The following SLC35B3 variants were observed in gnomAD, a reference collection of about 807,000 sequenced individuals.
SLC35B3 encodes the protein adenosine 3'-phospho 5'-phosphosulfate transporter 2.
Under a neutral mutation model 44.1 loss-of-function variants are expected in SLC35B3, and 35 were observed. The ratio of observed to expected loss-of-function variants is 0.79; its 90% CI spans 0.61 to 1.05. The LOEUF is 1.05. Ranked by LOEUF, SLC35B3 falls within the 50% of genes least tolerant of loss-of-function variation. The pLI is 0.00. For missense variants in SLC35B3, 414 were observed against 476.4 expected (o/e 0.87, Z 1.22); for synonymous variants, 146 against 167.3 (o/e 0.87, Z 0.98).
intron 3 of SLC35B3, 100 bp downstream of exon 2, chr6:8,429,764 G>A (rs535802801): frequency 2.5e-6 from 2 of 798,428 alleles, no homozygotes; most frequent in Admixed American, 6.4e-5. Context: ...GAATCAGCCA[G>A]TATCCCCTAA....
rs1487202638 is a variant in SLC35B3, at chr6:8,435,302, C to T, written c.-44+41G>A. 1 of 1,289,354 alleles carries T rather than the reference C, an allele frequency of 7.8e-7. No homozygotes were observed. The highest frequency in any genetic ancestry group is 2.3e-5 in the Admixed American group (1 of 43,568). 79.9% of individuals were successfully genotyped at this position (1,289,354 alleles called of 1,614,324 possible). ...CAAGGTTTTCTGGAGGAGAGGAGATCTGGGTCCCAAACACAGGAAAGGCCC... is the reference window on the plus strand; with the variant it reads ...CAAGGTTTTCTGGAGGAGAGGAGATTTGGGTCCCAAACACAGGAAAGGCCC... On this transcript the variant is annotated intron_variant, in intron 1 of 10. Transcript: ENST00000644923. The surrounding 1 kb of genome is among the most constrained non-coding windows in gnomAD (Gnocchi z 5.5).
rs376207611 is a variant in SLC35B3 at position 8,433,505 on chromosome 6, TCAA to T, written c.3+877_3+879del. ...AGTTTAGCAAGCACCATTTATTTAA[TCAA>T]CGTTATTCAGCTCCTTTCCAACACT... On this transcript the variant is annotated intron_variant, in intron 2 of 10. Coordinates refer to ENST00000644923, the MANE Select transcript of SLC35B3 (RefSeq NM_001370476.2). The surrounding 1 kb of genome is among the most constrained non-coding windows in gnomAD (Gnocchi z 4.1). Among the ~76,000 whole-genome samples, 23 of 152,310 alleles carry T rather than the reference TCAA, an allele frequency of 1.5e-4. No individual in the cohort carries two copies. The East Asian group carries it at 3.9e-3, about 26-fold the overall frequency.
chr6:8,414,936 T>C lies in SLC35B3; in HGVS notation c.1027A>G (p.Ile343Val). Residue 343 changes from isoleucine (I) to valine (V), a missense_variant, in exon 10 of 11, where the codon ATA becomes GTA. Coordinates refer to ENST00000644923, the MANE Select transcript of SLC35B3 (RefSeq NM_001370476.2). Reference sequence around the variant, plus strand: ...AACGTGAATGGTTTAGCAAAGAATATAAACGAAAGTACAATGGTCATTGCT... The same window carrying C: ...AACGTGAATGGTTTAGCAAAGAATACAAACGAAAGTACAATGGTCATTGCT... The C allele has an allele frequency of 6.2e-7, 1 of 1,606,062 alleles. No homozygotes were observed. The highest frequency in any genetic ancestry group is 8.5e-7 in the Non-Finnish European group (1 of 1,174,846).
chr6:8,420,534 A>G lies in SLC35B3; in HGVS notation c.682+187T>C, dbSNP rs1561750988. The stretch of plus-strand genomic sequence containing the variant: ...CAAAATGCATGCACACTAAAAAACA[A>G]ACAAATTGTTTTATCTACAGAGCTG... On this transcript the variant is annotated intron_variant, in intron 6 of 10. Transcript: ENST00000644923. This position sits in a 1 kb window ranked among gnomAD's most constrained non-coding sequence, Gnocchi z 4.4. Among the ~76,000 whole-genome samples, 1 of 152,206 alleles carries G rather than the reference A, an allele frequency of 6.6e-6. No individual in the cohort carries two copies. Among genetic ancestry groups the G allele is most frequent in the African/African-American group, 2.4e-5 (1 of 41,460 alleles).
In SLC35B3 at chr6:8,433,145, G is replaced by A. The variant is rs924171986; in HGVS notation, c.3+1240C>T. Among the ~76,000 whole-genome samples the A allele has an allele frequency of 6.6e-6, 1 of 151,824 alleles. No homozygotes were observed. The highest frequency in any genetic ancestry group is 1.5e-5 in the Non-Finnish European group (1 of 67,996). On this transcript the variant is annotated intron_variant, in intron 2 of 10. Coordinates refer to ENST00000644923, the MANE Select transcript of SLC35B3 (RefSeq NM_001370476.2). The surrounding 1 kb of genome is among the most constrained non-coding windows in gnomAD (Gnocchi z 4.1). ...TATAACTATATCTAATATCTGTTTCGGACCCTACTCCATCAGGCAGCCATT... is the reference window on the plus strand; with the variant it reads ...TATAACTATATCTAATATCTGTTTCAGACCCTACTCCATCAGGCAGCCATT...
In SLC35B3 at chr6:8,428,016, A is replaced by T. The variant is rs759977461; in HGVS notation, c.340T>A (p.Tyr114Asn). ...AAGGCAAACTGCACTAAGGTAAGGT[A>T]CCAGCCACAGGACTTAAAACCCTCC... The change falls in exon 4 of 11, where the codon TAC becomes AAC. Residue 114 changes from tyrosine (Y) to asparagine (N), a missense_variant. Tyr to Asn is a moderately radical substitution (Grantham distance 143). Transcript: ENST00000644923. The T allele has an allele frequency of 6.2e-7, 1 of 1,608,906 alleles. No individual in the cohort carries two copies. The highest frequency in any genetic ancestry group is 8.5e-7 in the Non-Finnish European group (1 of 1,177,262).
chr6:8,429,853 AAC>A lies in SLC35B3; in HGVS notation c.297+9_297+10del, dbSNP rs780420847. On this transcript the variant is annotated intron_variant, in intron 3 of 10. Transcript: ENST00000644923. Reference sequence around the variant, plus strand: ...AATAATTAACATATTACAAACATATAACTTTTTTACCTGTAAATACCCATAAA... The same window carrying A: ...AATAATTAACATATTACAAACATATATTTTTTACCTGTAAATACCCATAAA... The A allele has an allele frequency of 4.2e-5, 63 of 1,517,542 alleles. No individual in the cohort carries two copies. The South Asian group carries it at 7.0e-4, about 17-fold the overall frequency. 94.0% of individuals were successfully genotyped at this position (1,517,542 alleles called of 1,614,324 possible). A position where few individuals can be genotyped will look rare whatever the true frequency, so the allele number is the denominator to read the frequency against.
Position 8,419,596 on chromosome 6 carries a change from G to T in SLC35B3, c.764C>A (p.Ala255Asp). The change falls in exon 7 of 11, where the codon GCT (alanine) becomes GAT (aspartate). Residue 255 changes from alanine (A) to aspartate (D), a missense_variant. Physicochemically the swap from Ala to Asp is moderately radical, Grantham distance 126. Transcript: ENST00000644923. This position sits in a 1 kb window ranked among gnomAD's most constrained non-coding sequence, Gnocchi z 4.3. Reference sequence around the variant, plus strand: ...AGTATTTACCATTTCAGAATTAGAAGCATTATGAAGTTTCATAGCTTTCTC... The same window carrying T: ...AGTATTTACCATTTCAGAATTAGAATCATTATGAAGTTTCATAGCTTTCTC... The T allele has an allele frequency of 6.5e-7, 1 of 1,540,868 alleles. No individual in the cohort carries two copies. The highest frequency in any genetic ancestry group is 8.8e-7 in the Non-Finnish European group (1 of 1,131,286).
rs149849004 is a variant in SLC35B3 at position 8,433,240 on chromosome 6, C to G, written c.3+1145G>C. 9.3e-4 allele frequency among the ~76,000 whole-genome samples: 141 copies of G among 152,228 alleles called. 1 individual carries two copies. Among genetic ancestry groups the G allele is most frequent in the African/African-American group, 3.3e-3 (137 of 41,536 alleles). On this transcript the variant is annotated intron_variant, in intron 2 of 10. Transcript: ENST00000644923. The surrounding 1 kb of genome is among the most constrained non-coding windows in gnomAD (Gnocchi z 4.1). Reference sequence around the variant, plus strand: ...TTTCTGACCCATCTGTCACATGGCTCAACGTGAAGTCTGATCATGCTGCAT... The same window carrying G: ...TTTCTGACCCATCTGTCACATGGCTGAACGTGAAGTCTGATCATGCTGCAT...
intron 4 of SLC35B3, among the ~76,000 whole-genome samples, chr6:8,423,852 G>C (rs151205781): frequency 2.0e-5 from 3 of 152,168 alleles, no homozygotes; most frequent in African/African-American, 7.2e-5. Flanking sequence ...ATATGCATCA[G>C]TGTAAATGCG....
At chr6:8,425,010 G>C (rs1048730290) in intron 4 of SLC35B3, among the ~76,000 whole-genome samples, 13 of 151,932 alleles carry the variant, frequency 8.6e-5, no homozygotes, top group African/African-American at 3.1e-4. Context: ...ATTCAGAAAG[G>C]TTTCAATTCA....
intron 9 of SLC35B3, among the ~76,000 whole-genome samples, chr6:8,416,007 T>G (rs1003556168): frequency 3.3e-5 from 5 of 152,168 alleles, no homozygotes; most frequent in African/African-American, 1.2e-4. Flanking sequence ...GTATAATGTA[T>G]GGTGAAGAGC....
chr6:8,417,253 T>C, intron 8 of SLC35B3, 149 bp downstream of exon 7: 1 of 632,248 alleles, frequency 1.6e-6, no homozygotes, highest in Non-Finnish European at 2.8e-6. Flanking sequence ...ATCAGTCATT[T>C]CATTTCTGAA....
intron 5 of SLC35B3, among the ~76,000 whole-genome samples, chr6:8,421,460 C>T (rs565691815): frequency 4.3e-4 from 66 of 152,114 alleles, no homozygotes; most frequent in African/African-American, 1.2e-3. Flanking sequence ...TGAAATGATA[C>T]GTGAAGTAGT....
At position 8,433,010 on chromosome 6, in the gene SLC35B3, C is replaced by T. The variant is rs1764136563; in HGVS notation, c.3+1375G>A. Among the ~76,000 whole-genome samples the T allele has an allele frequency of 6.6e-6, 1 of 152,184 alleles. No homozygotes were observed. Among genetic ancestry groups the T allele is most frequent in the African/African-American group, 2.4e-5 (1 of 41,444 alleles). On this transcript the variant is annotated intron_variant, in intron 2 of 10. Transcript: ENST00000644923. This position sits in a 1 kb window ranked among gnomAD's most constrained non-coding sequence, Gnocchi z 4.1. The stretch of plus-strand genomic sequence containing the variant: ...GTTTGTTCCTATATTCCCAATCTCA[C>T]TTAACAGTACCTAGTATGAAACACA...
In SLC35B3 at chr6:8,435,477, C is replaced by T; in HGVS notation, c.-178G>A. The T allele has an allele frequency of 9.5e-7, 1 of 1,057,886 alleles. No homozygotes were observed. The highest frequency in any genetic ancestry group is 1.3e-6 in the Non-Finnish European group (1 of 796,544). 65.5% of individuals were successfully genotyped at this position (1,057,886 alleles called of 1,614,324 possible). On this transcript the variant is annotated 5_prime_UTR_variant, in exon 1 of 11. Transcript: ENST00000644923. This position sits in a 1 kb window ranked among gnomAD's most constrained non-coding sequence, Gnocchi z 5.5. ...TCCTCCTCGCCCACTCCTGCACTTT[C>T]CACCGCGGCGGTCGCCTCCCCGGAA...
At chr6:8,428,806 A>G (rs1477442805) in intron 3 of SLC35B3, among the ~76,000 whole-genome samples, 1 of 152,082 alleles carries the variant, frequency 6.6e-6, no homozygotes, top group East Asian at 1.9e-4. Context: ...TCTAATCTCT[A>G]TTTTTAATTG....
chr6:8,435,239 C>G lies in SLC35B3; in HGVS notation c.-44+104G>C, dbSNP rs1156833800. Reference sequence around the variant, plus strand: ...TCTTCCATCCCGACCTCATCCATTCCTCGAACGCTCCTTCTGGATGAGGAA... The same window carrying G: ...TCTTCCATCCCGACCTCATCCATTCGTCGAACGCTCCTTCTGGATGAGGAA... On this transcript the variant is annotated intron_variant, in intron 1 of 10. Transcript: ENST00000644923. The surrounding 1 kb of genome is among the most constrained non-coding windows in gnomAD (Gnocchi z 5.5). 7.8e-7 allele frequency: 1 copy of G among 1,289,196 alleles called. No individual in the cohort carries two copies. The highest frequency in any genetic ancestry group is 1.0e-6 in the Non-Finnish European group (1 of 988,872). The allele number at this position is 1,289,196 out of a possible 1,614,324, so 79.9% of individuals were successfully genotyped here. A position where few individuals can be genotyped will look rare whatever the true frequency, so the allele number is the denominator to read the frequency against.
rs535186644 is a variant in SLC35B3, at chr6:8,418,046, C to T, written c.781-552G>A. 8.6e-5 allele frequency among the ~76,000 whole-genome samples: 13 copies of T among 151,986 alleles called. No homozygotes were observed. In the South Asian group the frequency reaches 1.9e-3, roughly 22 times the overall value. ...TCAGGTACTGTGTTGAAGCTCGGTA[C>T]GGATTATTCCATTTACTTCTCACAA... On this transcript the variant is annotated intron_variant, in intron 7 of 10. Transcript: ENST00000644923.
Sources: gnomAD v4.1 joint callset for allele counts (sites outside exome capture counted in the v4.1 genomes callset) on GRCh38, gnomAD v4.1.1 for gene constraint, Gnocchi (gnomAD v3.1) non-coding constraint, MANE v1.5 for transcripts, NCBI Gene and HGNC (gene_info 2026-07-23, HGNC 2026-07-21) for gene names.